Variants in SMAD2 observed in about 807,000 individuals in gnomAD.
SMAD2 encodes the protein MAD homolog 2.
SMAD2 carries 8 observed loss-of-function variants against 64.4 expected under a neutral mutation model. The ratio of observed to expected loss-of-function variants is 0.12; its 90% confidence interval spans 0.07 to 0.22. SMAD2 has a LOEUF of 0.22. Ranked by LOEUF, SMAD2 falls within the 10% of genes least tolerant of loss-of-function variation. The pLI is 1.00. For synonymous variants in SMAD2, 203 were observed against 195.8 expected (o/e 1.04, Z -0.31); for missense variants, 289 against 561.2 (o/e 0.51, Z 4.90).
At chr18:47,917,993 G>C (rs776011759) in intron 1 of SMAD2, among the ~76,000 whole-genome samples, 4 of 152,178 alleles carry the variant, frequency 2.6e-5, no homozygotes, top group Non-Finnish European at 5.9e-5. Flanking sequence ...GCTAGCTGTA[G>C]GAAAAGCTGA....
At chr18:47,889,525 A>T (rs2033083772) in intron 2 of SMAD2, among the ~76,000 whole-genome samples, 1 of 152,160 alleles carries the variant, frequency 6.6e-6, no homozygotes, top group Non-Finnish European at 1.5e-5. Flanking sequence ...TAATCCCAGC[A>T]CTTTGGGAGG....
chr18:47,861,166 A>C (rs983446535), intron 6 of SMAD2, among the ~76,000 whole-genome samples: 2 of 151,944 alleles, frequency 1.3e-5, no homozygotes, highest in Admixed American at 1.3e-4. Flanking sequence ...GACCAGCCTG[A>C]CCAACGTGGA....
chr18:47,900,882 G>A (rs1356733435), intron 1 of SMAD2, among the ~76,000 whole-genome samples: 4 of 152,088 alleles, frequency 2.6e-5, no homozygotes, highest in African/African-American at 7.2e-5. Context: ...TTTCTAGGCA[G>A]CTAGGAATTT....
chr18:47,916,908 C>G (rs1487240841), intron 1 of SMAD2, among the ~76,000 whole-genome samples: 1 of 152,204 alleles, frequency 6.6e-6, no homozygotes, highest in Non-Finnish European at 1.5e-5. Flanking sequence ...TACATTTGTA[C>G]ATTCTTTTTC....
chr18:47,844,195 T>C (rs1161279972), intron 10 of SMAD2, among the ~76,000 whole-genome samples: 2 of 152,144 alleles, frequency 1.3e-5, no homozygotes, highest in Non-Finnish European at 2.9e-5. Flanking sequence ...CTGATACAAA[T>C]ATATACCATA....
intron 1 of SMAD2, among the ~76,000 whole-genome samples, chr18:47,906,881 C>A (rs560291819): frequency 1.3e-5 from 2 of 152,248 alleles, no homozygotes; most frequent in African/African-American, 4.8e-5. Context: ...CCTCTATGGC[C>A]TTCTAGTAAG....
chr18:47,874,961 T>C (rs1568071548), intron 2 of SMAD2, among the ~76,000 whole-genome samples: 2 of 152,170 alleles, frequency 1.3e-5, no homozygotes, highest in African/African-American at 2.4e-5. Context: ...TTGACACTTC[T>C]ATAAAAAGAT....
At chr18:47,892,855 G>A (rs2033263194) in intron 2 of SMAD2, among the ~76,000 whole-genome samples, 1 of 152,040 alleles carries the variant, frequency 6.6e-6, no homozygotes, top group Admixed American at 6.6e-5. Context: ...TTTAATTTAT[G>A]CTTATGAAAA....
chr18:47,868,375 T>A lies in SMAD2; in HGVS notation c.603A>T (p.Pro201=), dbSNP rs769301053. ...TTCCTGCTGGGAAGTTAGTGTTTTCTGGAATGGAGTGAGTATAGTCATCCA... is the reference window on the plus strand; with the variant it reads ...TTCCTGCTGGGAAGTTAGTGTTTTCAGGAATGGAGTGAGTATAGTCATCCA... ...PPLDDYTHSI[P]ENTNFPAGIE... The change falls in exon 5 of 11, where the codon CCA becomes CCT. Residue 201 remains proline (P), a synonymous_variant. Transcript: ENST00000262160. The A allele has an allele frequency of 1.2e-5, 19 of 1,611,780 alleles. No individual in the cohort carries two copies. In the East Asian group the frequency reaches 3.8e-4, roughly 32 times the overall value.
Position 47,839,248 on chromosome 18 carries a change from G to C in SMAD2, c.*2579C>G, listed in dbSNP as rs1043435329. On this transcript the variant is annotated 3_prime_UTR_variant, in exon 11 of 11. Coordinates refer to ENST00000262160, the MANE Select transcript of SMAD2 (RefSeq NM_005901.6). Reference sequence around the variant, plus strand: ...GCTCCACTACTGAAACAGCATAGTAGGCACTGCTTGACCTAACACAGTAAT... The same window carrying C: ...GCTCCACTACTGAAACAGCATAGTACGCACTGCTTGACCTAACACAGTAAT... 3.0e-5 allele frequency: 7 copies of C among 233,158 alleles called. No individual in the cohort carries two copies. The highest frequency in any genetic ancestry group is 5.6e-5 in the Admixed American group (1 of 17,768). The allele number at this position is 233,158 out of a possible 1,614,324, so 14.4% of individuals were successfully genotyped here. A position where few individuals can be genotyped will look rare whatever the true frequency, so the allele number is the denominator to read the frequency against.
At position 47,825,818 on chromosome 18, in the gene SMAD2, AG is replaced by A. The variant is rs906458638; in HGVS notation, c.*16008del. 1 of 152,236 alleles carries A rather than the reference AG, an allele frequency of 6.6e-6. No homozygotes were observed. The allele number at this position is 152,236 out of a possible 1,614,324, so 9.4% of individuals were successfully genotyped here. A position where few individuals can be genotyped will look rare whatever the true frequency, so the allele number is the denominator to read the frequency against. Reference sequence around the variant, plus strand: ...GTCAAAGTTAAAACATGCCTTGATCAGTCAACCAAATTACTGCTAAACCAGT... The same window carrying A: ...GTCAAAGTTAAAACATGCCTTGATCATCAACCAAATTACTGCTAAACCAGT... On this transcript the variant is annotated 3_prime_UTR_variant, in exon 11 of 11. Transcript: ENST00000262160.
rs58440360 is a variant in SMAD2, at chr18:47,879,495, C to CGTGTGTGTGTGTGTGTGTGT, written c.237-8951_237-8932dup. 6.3e-3 allele frequency among the ~76,000 whole-genome samples: 888 copies of CGTGTGTGTGTGTGTGTGTGT among 141,414 alleles called. 7 individuals carry two copies. Among genetic ancestry groups the CGTGTGTGTGTGTGTGTGTGT allele is most frequent in the East Asian group, 0.02 (88 of 4,452 alleles). 92.8% of individuals were successfully genotyped at this position (141,414 alleles called of 152,430 possible). On this transcript the variant is annotated intron_variant, in intron 2 of 10. Transcript: ENST00000262160. Reference sequence around the variant, plus strand: ...GATTCATCCATGTTAATGTATATGACGTGTGTGTGTGTGTGTGTGTGTGTG... The same window carrying CGTGTGTGTGTGTGTGTGTGT: ...GATTCATCCATGTTAATGTATATGACGTGTGTGTGTGTGTGTGTGTGTGTGTGTGTGTGTGTGTGTGTGTG...
chr18:47,860,371 A>C (rs1447199358), intron 6 of SMAD2, among the ~76,000 whole-genome samples: 5 of 152,024 alleles, frequency 3.3e-5, no homozygotes, highest in African/African-American at 1.2e-4. Context: ...TCCTGGGCTC[A>C]AGTGACCCTC....
intron 7 of SMAD2, among the ~76,000 whole-genome samples, chr18:47,849,997 A>G (rs1345506304): frequency 6.6e-6 from 1 of 150,434 alleles, no homozygotes; most frequent in Non-Finnish European, 1.5e-5. Context: ...ACAGAGCAAG[A>G]CTCTGTCTCA....
intron 2 of SMAD2, among the ~76,000 whole-genome samples, chr18:47,877,096 A>G (rs758058553): frequency 3.3e-5 from 5 of 152,098 alleles, no homozygotes; most frequent in Non-Finnish European, 7.4e-5. Flanking sequence ...ACCAATAACA[A>G]AAGTAATAAA....
In SMAD2 at chr18:47,816,798, C is replaced by A. The variant is rs1293956319; in HGVS notation, c.*25029G>T. On this transcript the variant is annotated 3_prime_UTR_variant, in exon 11 of 11. Transcript: ENST00000262160. ...TTTTTTTTGGAGACGTAGTTTTGCA[C>A]TGTCGCCCAGGCTGGAGTGCAGTGG... 1 of 141,188 alleles carries A rather than the reference C, an allele frequency of 7.1e-6. No individual in the cohort carries two copies. The highest frequency in any genetic ancestry group is 1.5e-5 in the Non-Finnish European group (1 of 66,060). The allele number at this position is 141,188 out of a possible 1,614,324, so 8.7% of individuals were successfully genotyped here.
chr18:47,868,510 G>C, intron 4 of SMAD2, 53 bp from the exon 5 acceptor site: 4 of 1,523,328 alleles, frequency 2.6e-6, no homozygotes, highest in Non-Finnish European at 3.6e-6. Flanking sequence ...GGGGAGTGGG[G>C]GAACCTTTTT....
chr18:47,834,156 T>C lies in SMAD2; in HGVS notation c.*7671A>G. On this transcript the variant is annotated 3_prime_UTR_variant, in exon 11 of 11. Coordinates refer to ENST00000262160, the MANE Select transcript of SMAD2 (RefSeq NM_005901.6). ...GAAATGTTGACAGCCATAGTGCAGC[T>C]GAGTTTAGAAGCAACTATGACAACA... 1 of 213,220 alleles carries C rather than the reference T, an allele frequency of 4.7e-6. No homozygotes were observed. Among genetic ancestry groups the C allele is most frequent in the Non-Finnish European group, 9.5e-6 (1 of 105,426 alleles). 13.2% of individuals were successfully genotyped at this position (213,220 alleles called of 1,614,324 possible).
intron 1 of SMAD2, among the ~76,000 whole-genome samples, chr18:47,909,403 A>G (rs1000898678): frequency 1.4e-4 from 22 of 152,216 alleles, no homozygotes; most frequent in African/African-American, 5.3e-4. Flanking sequence ...ACCAAAGTAG[A>G]TGAGTTAGTT....
Sources: gnomAD v4.1 joint callset for allele counts (sites outside exome capture counted in the v4.1 genomes callset) on GRCh38, gnomAD v4.1.1 for gene constraint, MANE v1.5 for transcripts, NCBI Gene and HGNC (gene_info 2026-07-23, HGNC 2026-07-21) for gene names.